The following ANKS1B variants were observed in gnomAD, a reference collection of about 807,000 sequenced individuals.
ANKS1B encodes ankyrin repeat and sterile alpha motif domain-containing protein 1B.
Under a neutral mutation model 148.3 loss-of-function variants are expected in ANKS1B, and 36 were observed. The observed-to-expected ratio is 0.24, with a 90% CI of 0.19 to 0.32. The LOEUF (loss-of-function observed/expected upper bound fraction) is 0.32. Ranked by LOEUF, ANKS1B falls within the 10% of genes least tolerant of loss-of-function variation. The pLI is 1.00. For synonymous variants in ANKS1B, 542 were observed against 560.8 expected (o/e 0.97, Z 0.47); for missense variants, 1,157 against 1,542.6 (o/e 0.75, Z 4.19).
intron 12 of ANKS1B, among the ~76,000 whole-genome samples, chr12:99,342,954 C>A (rs1045441211): frequency 6.6e-6 from 1 of 151,776 alleles, no homozygotes. Flanking sequence ...ATCAAGAATA[C>A]TATAATTTAT....
intron 8 of ANKS1B, among the ~76,000 whole-genome samples, chr12:99,756,726 G>GATAC (rs1360076803): frequency 5.3e-5 from 8 of 152,178 alleles, no homozygotes; most frequent in African/African-American, 1.9e-4. Flanking sequence ...TACAGAAACA[G>GATAC]ATACACAGAC....
intron 12 of ANKS1B, among the ~76,000 whole-genome samples, chr12:99,323,862 G>T (rs1287134413): frequency 1.3e-5 from 2 of 152,062 alleles, no homozygotes; most frequent in African/African-American, 4.8e-5. Context: ...AGACTCAAGC[G>T]ATTTAAATTC....
At chr12:99,479,423 AAT>A (rs2096375363) in intron 10 of ANKS1B, among the ~76,000 whole-genome samples, 2 of 152,062 alleles carry the variant, frequency 1.3e-5, no homozygotes, top group Non-Finnish European at 2.9e-5. Context: ...TATCAACATT[AAT>A]AAAGCTTTCT....
At chr12:99,645,380 G>A (rs1286744112) in intron 9 of ANKS1B, among the ~76,000 whole-genome samples, 3 of 152,110 alleles carry the variant, frequency 2.0e-5, no homozygotes, top group Non-Finnish European at 4.4e-5. Flanking sequence ...CATTGTTATG[G>A]TTCAGAGTAT....
intron 1 of ANKS1B, among the ~76,000 whole-genome samples, chr12:99,938,021 C>T (rs2094823759): frequency 6.6e-6 from 1 of 152,166 alleles, no homozygotes; most frequent in African/African-American, 2.4e-5. Context: ...TTTCCATGCA[C>T]CATTGTGATC....
chr12:98,989,032 T>C (rs1435375214), intron 17 of ANKS1B, among the ~76,000 whole-genome samples: 1 of 152,218 alleles, frequency 6.6e-6, no homozygotes, highest in Non-Finnish European at 1.5e-5. Flanking sequence ...ATGTATAGTT[T>C]GCAAATATTT....
intron 4 of ANKS1B, among the ~76,000 whole-genome samples, chr12:99,799,394 A>T (rs2066659173): frequency 6.6e-6 from 1 of 151,984 alleles, no homozygotes; most frequent in Non-Finnish European, 1.5e-5. Context: ...CCAAAGAGAG[A>T]CCTCTCTGAC....
At chr12:99,265,799 T>C (rs983262112) in intron 12 of ANKS1B, among the ~76,000 whole-genome samples, 19 of 152,140 alleles carry the variant, frequency 1.2e-4, no homozygotes, top group African/African-American at 4.6e-4. Flanking sequence ...ACTGCCCCCA[T>C]GTATTTCTTT....
chr12:98,791,842 A>G (rs1317103985), intron 22 of ANKS1B, among the ~76,000 whole-genome samples: 1 of 152,230 alleles, frequency 6.6e-6, no homozygotes, highest in Non-Finnish European at 1.5e-5. Context: ...AATTTGTATG[A>G]GGACAGAGGA....
Position 99,769,122 on chromosome 12 carries a change from C to T in ANKS1B, c.1128+3800G>A, listed in dbSNP as rs116526460. On this transcript the variant is annotated intron_variant, in intron 8 of 26. Coordinates refer to ENST00000683438, the MANE Select transcript of ANKS1B (RefSeq NM_001352186.2). ...TACACTGGGGAATTGCAGAAGTAGGCTGGACATTAAGATTTACGAGATTTG... is the reference window on the plus strand; with the variant it reads ...TACACTGGGGAATTGCAGAAGTAGGTTGGACATTAAGATTTACGAGATTTG... Among the ~76,000 whole-genome samples, 610 of 152,072 alleles carry T rather than the reference C, an allele frequency of 4.0e-3. 3 individuals carry two copies. Among genetic ancestry groups the T allele is most frequent in the African/African-American group, 0.014 (587 of 41,500 alleles).
At chr12:99,776,454 A>G (rs1452846999) in intron 6 of ANKS1B, among the ~76,000 whole-genome samples, 1 of 152,220 alleles carries the variant, frequency 6.6e-6, no homozygotes, top group Non-Finnish European at 1.5e-5. Flanking sequence ...ATAGGTGGCA[A>G]AGCCAAATAA....
intron 9 of ANKS1B, among the ~76,000 whole-genome samples, chr12:99,575,629 G>A (rs1018510950): frequency 3.3e-5 from 5 of 151,982 alleles, no homozygotes; most frequent in East Asian, 1.9e-4. Context: ...ATCAGATCTC[G>A]TGAGACTTAT....
intron 14 of ANKS1B, among the ~76,000 whole-genome samples, chr12:99,190,551 C>T (rs1362570536): frequency 6.6e-6 from 1 of 152,086 alleles, no homozygotes; most frequent in African/African-American, 2.4e-5. Context: ...CATCTACAAC[C>T]ATCTGATCTC....
intron 17 of ANKS1B, among the ~76,000 whole-genome samples, chr12:98,979,630 A>G (rs754249915): frequency 6.6e-6 from 1 of 151,002 alleles, no homozygotes; most frequent in Non-Finnish European, 1.5e-5. Flanking sequence ...TACCTTTGTT[A>G]CTTTGTGAAG....
rs569399129 is a variant in ANKS1B at position 99,310,121 on chromosome 12, C to T, written c.1757-63257G>A. On this transcript the variant is annotated intron_variant, in intron 12 of 26. Transcript: ENST00000683438. ...AGAGAGTTTGGAGATTAGTTGGCTT[C>T]AAAATATTCGGATAAGCATAAATTA... Among the ~76,000 whole-genome samples the T allele has an allele frequency of 5.3e-5, 8 of 152,148 alleles. No homozygotes were observed. In the South Asian group the frequency reaches 1.7e-3, roughly 32 times the overall value.
intron 4 of ANKS1B, among the ~76,000 whole-genome samples, chr12:99,800,548 T>C (rs1176955113): frequency 6.6e-6 from 1 of 151,836 alleles, no homozygotes; most frequent in Non-Finnish European, 1.5e-5. Context: ...AGTGAAATTC[T>C]GGATACAATT....
Position 99,919,386 on chromosome 12 carries a change from T to C in ANKS1B, c.134+64718A>G, listed in dbSNP as rs12313677. ...AGCTACTTAATAAGTAATAGTTTCC[T>C]TCTTCATAGGTATTATTAATTAATT... On this transcript the variant is annotated intron_variant, in intron 1 of 26. Coordinates refer to ENST00000683438, the MANE Select transcript of ANKS1B (RefSeq NM_001352186.2). 5.3e-3 allele frequency among the ~76,000 whole-genome samples: 812 copies of C among 152,340 alleles called. 11 individuals are homozygous for C. Among genetic ancestry groups the C allele is most frequent in the African/African-American group, 0.018 (759 of 41,578 alleles).
intron 24 of ANKS1B, among the ~76,000 whole-genome samples, chr12:98,776,099 C>T (rs2098671229): frequency 1.3e-5 from 2 of 152,232 alleles, no homozygotes; most frequent in Admixed American, 6.5e-5. Context: ...TACTGAAATA[C>T]TGCCATCACT....
intron 9 of ANKS1B, among the ~76,000 whole-genome samples, chr12:99,541,972 A>G (rs535821186): frequency 2.6e-5 from 4 of 152,218 alleles, no homozygotes; most frequent in Non-Finnish European, 4.4e-5. Context: ...ATTCTATTTA[A>G]TGGTGAAAAA....
Sources: gnomAD v4.1 joint callset for allele counts (sites outside exome capture counted in the v4.1 genomes callset) on GRCh38, gnomAD v4.1.1 for gene constraint, MANE v1.5 for transcripts, NCBI Gene and HGNC (gene_info 2026-07-23, HGNC 2026-07-21) for gene names.